MCF2L: variants seen among roughly 807,000 people sequenced by gnomAD.
MCF2L encodes MCF.2 cell line derived transforming sequence like, also known as guanine nucleotide exchange factor DBS.
Under a neutral mutation model 153.4 loss-of-function variants are expected in MCF2L, and 97 were observed. The ratio of observed to expected loss-of-function variants is 0.63; its 90% CI spans 0.54 to 0.75. MCF2L has a LOEUF of 0.75. MCF2L is among the 30% of genes least tolerant of loss of function. MCF2L has a pLI of 0.00. For missense variants in MCF2L, 1,347 were observed against 1,495.2 expected (o/e 0.90, Z 1.64); for synonymous variants, 659 against 632.2 (o/e 1.04, Z -0.64).
Position 113,038,940 on chromosome 13 carries a change from C to T in MCF2L, c.279-6331C>T, listed in dbSNP as rs143303662. 4.6e-3 allele frequency among the ~76,000 whole-genome samples: 695 copies of T among 152,280 alleles called. 24 individuals carry two copies. The East Asian group carries it at 0.092, about 20-fold the overall frequency. On this transcript the variant is annotated intron_variant, in intron 3 of 29. Transcript: ENST00000535094. ...TGGTGCTATCTCGGCTCACTGCAAG[C>T]GCCGCCTCCCGGGTTCACGCCATTC...
intron 3 of MCF2L, among the ~76,000 whole-genome samples, chr13:113,026,091 G>T (rs9604012): frequency 1.9e-5 from 2 of 108,084 alleles, no homozygotes; most frequent in Non-Finnish European, 4.3e-5. Flanking sequence ...ACTGTGGGTC[G>T]GGGCAGAGTC....
Position 113,054,178 on chromosome 13 carries a change from G to A in MCF2L, c.370-6415G>A, listed in dbSNP as rs2087567253. Reference sequence around the variant, plus strand: ...AAATGTCATTCGAGTCCAATCTCAGGATCCTGGATGCACGCCTGTTCTCCA... The same window carrying A: ...AAATGTCATTCGAGTCCAATCTCAGAATCCTGGATGCACGCCTGTTCTCCA... On this transcript the variant is annotated intron_variant, in intron 4 of 29. Coordinates refer to ENST00000535094, the MANE Select transcript of MCF2L (RefSeq NM_001112732.3). The surrounding 1 kb of genome is among the most constrained non-coding windows in gnomAD (Gnocchi z 5.2). 6.0e-6 allele frequency: 1 copy of A among 167,240 alleles called. No homozygotes were observed. The highest frequency in any genetic ancestry group is 2.1e-4 in the South Asian group (1 of 4,818). 10.4% of individuals were successfully genotyped at this position (167,240 alleles called of 1,614,324 possible). A position where few individuals can be genotyped will look rare whatever the true frequency, so the allele number is the denominator to read the frequency against.
In MCF2L at chr13:113,064,433, G is replaced by C; in HGVS notation, c.606+13G>C. On this transcript the variant is annotated intron_variant, in intron 6 of 29. Coordinates refer to ENST00000535094, the MANE Select transcript of MCF2L (RefSeq NM_001112732.3). The surrounding 1 kb of genome is among the most constrained non-coding windows in gnomAD (Gnocchi z 6.0). Reference sequence around the variant, plus strand: ...GTGCCAGCGCACGGTGAGCCGCGTCGGGGCCAGCGGGGCTGGCTGATACCA... The same window carrying C: ...GTGCCAGCGCACGGTGAGCCGCGTCCGGGCCAGCGGGGCTGGCTGATACCA... The C allele has an allele frequency of 6.4e-7, 1 of 1,552,764 alleles. No homozygotes were observed. The highest frequency in any genetic ancestry group is 8.9e-7 in the Non-Finnish European group (1 of 1,127,508).
rs200182047 is a variant in MCF2L, at chr13:113,082,556, C to G, written c.1991+14C>G. ...CTTCCACAACAGGTGGGCCCTTCCC[C>G]CCGACACAGGCACGCACCCGTGATC... is the stretch of plus-strand genomic sequence containing the variant. On this transcript the variant is annotated intron_variant, in intron 17 of 29. Transcript: ENST00000535094. The G allele has an allele frequency of 9.9e-5, 154 of 1,550,500 alleles. 2 individuals are homozygous for G. Among genetic ancestry groups the G allele is most frequent in the Non-Finnish European group, 1.2e-4 (134 of 1,123,322 alleles).
intron 2 of MCF2L, among the ~76,000 whole-genome samples, chr13:112,948,081 T>C (rs550760463): frequency 5.9e-5 from 9 of 152,320 alleles, no homozygotes; most frequent in African/African-American, 2.2e-4. Context: ...AGACCTCAGA[T>C]GGCTGTGGGC....
chr13:113,007,199 C>T (rs527739625), intron 1 of MCF2L, among the ~76,000 whole-genome samples: 2 of 152,310 alleles, frequency 1.3e-5, no homozygotes, highest in East Asian at 3.9e-4. Flanking sequence ...GTGCAGAGCC[C>T]GCCAGGTGTA....
intron 27 of MCF2L, 181 bp from the exon 28 acceptor site, chr13:113,096,190 G>C (rs1337966392): frequency 3.3e-6 from 2 of 609,974 alleles, no homozygotes; most frequent in Non-Finnish European, 5.8e-6. Flanking sequence ...CATCGCCGCT[G>C]CGGTAGTCAT....
rs549152638 is a variant in MCF2L, at chr13:112,979,827, G to A, written c.79+10369G>A. On this transcript the variant is annotated intron_variant, in intron 1 of 29. Transcript: ENST00000535094. The stretch of plus-strand genomic sequence containing the variant: ...TCCCCTCTGCAGGTGTCCTCTCTGC[G>A]GGCAGGTGCCTCCCTGGGGTATTTC... 1.8e-5 allele frequency: 25 copies of A among 1,414,558 alleles called. No individual in the cohort carries two copies. In the African/African-American group the frequency reaches 2.1e-4, roughly 12 times the overall value. The allele number at this position is 1,414,558 out of a possible 1,614,324, so 87.6% of individuals were successfully genotyped here.
chr13:112,935,727 C>T (rs1396200248), intron 2 of MCF2L, among the ~76,000 whole-genome samples: 12 of 152,128 alleles, frequency 7.9e-5, no homozygotes, highest in South Asian at 2.1e-4. Context: ...CTGGGTTTAT[C>T]GGACATAACC....
chr13:112,999,277 C>T (rs2083263991), intron 1 of MCF2L, among the ~76,000 whole-genome samples: 1 of 152,126 alleles, frequency 6.6e-6, no homozygotes, highest in Non-Finnish European at 1.5e-5. Context: ...CCTTTGCCCA[C>T]CAGAAACTTC....
At chr13:112,962,957 C>T (rs541551317) in intron 2 of MCF2L, among the ~76,000 whole-genome samples, 1 of 152,308 alleles carries the variant, frequency 6.6e-6, no homozygotes, top group South Asian at 2.1e-4. Context: ...TGTCCAGATG[C>T]GGGGTGTGCT....
At chr13:113,038,389 C>G (rs1043307988) in intron 3 of MCF2L, among the ~76,000 whole-genome samples, 1 of 151,100 alleles carries the variant, frequency 6.6e-6, no homozygotes, top group Non-Finnish European at 1.5e-5. Flanking sequence ...GGCCTGAACC[C>G]GGAAGGCGGA....
chr13:112,990,063 T>A (rs1282446342), intron 1 of MCF2L, among the ~76,000 whole-genome samples: 1 of 152,196 alleles, frequency 6.6e-6, no homozygotes, highest in African/African-American at 2.4e-5. Context: ...CACCCGCCAC[T>A]CACCTCCTGC....
At position 113,088,332 on chromosome 13, in the gene MCF2L, A is replaced by G; in HGVS notation, c.2694A>G (p.Pro898=). 2 of 1,613,860 alleles carry G rather than the reference A, an allele frequency of 1.2e-6. No individual in the cohort carries two copies. The highest frequency in any genetic ancestry group is 8.5e-7 in the Non-Finnish European group (1 of 1,179,970). ...AREEVYIVQA[P]TPEIKAAWVN... ...CGTTTCTTTTGGGGAAACAGGCGCCAACTCCTGAGATTAAAGCCGCGTGGG... is the reference window on the plus strand; with the variant it reads ...CGTTTCTTTTGGGGAAACAGGCGCCGACTCCTGAGATTAAAGCCGCGTGGG... The change falls in exon 24 of 30, where the codon CCA becomes CCG. Residue 898 remains proline (P), a synonymous_variant. Transcript: ENST00000535094.
At chr13:113,026,199 G>A (rs1013432578) in intron 3 of MCF2L, among the ~76,000 whole-genome samples, 2 of 151,502 alleles carry the variant, frequency 1.3e-5, no homozygotes, top group African/African-American at 2.4e-5. Context: ...ACTGTGGGTC[G>A]GGGCAGAGTC....
At position 112,900,762 on chromosome 13, in the gene MCF2L, G is replaced by A. The variant is rs998929474; in HGVS notation, c.-4-1437G>A. Among the ~76,000 whole-genome samples the A allele has an allele frequency of 2.2e-4, 34 of 152,096 alleles. 1 individual carries two copies. Among genetic ancestry groups the A allele is most frequent in the Admixed American group, 6.5e-5 (1 of 15,276 alleles). On this transcript the variant is annotated intron_variant, in intron 1 of 29. Coordinates refer to the MCF2L transcript ENST00000375608. ...TATCACCCTGTCCTGGGCAGGCTTCGTCCTTCAGGGCTCCATGTGGTGGGG... is the reference window on the plus strand; with the variant it reads ...TATCACCCTGTCCTGGGCAGGCTTCATCCTTCAGGGCTCCATGTGGTGGGG...
chr13:113,098,476 A>C lies in MCF2L; in HGVS notation c.*1617A>C, dbSNP rs1377571567. On this transcript the variant is annotated 3_prime_UTR_variant, in exon 30 of 30. Transcript: ENST00000535094. Reference sequence around the variant, plus strand: ...CACTGTCACTTTTTTTTAACTGCTGATGTAAATGGAATTTTAAAAGCAGAG... The same window carrying C: ...CACTGTCACTTTTTTTTAACTGCTGCTGTAAATGGAATTTTAAAAGCAGAG... The C allele has an allele frequency of 6.6e-6, 1 of 152,362 alleles. No individual in the cohort carries two copies. Among genetic ancestry groups the C allele is most frequent in the Non-Finnish European group, 1.5e-5 (1 of 68,038 alleles). The allele number at this position is 152,362 out of a possible 1,614,324, so 9.4% of individuals were successfully genotyped here.
rs774136495 is a variant in MCF2L, at chr13:113,046,549, A to G, written c.369+1188A>G. Reference sequence around the variant, plus strand: ...GCCAAGGTTTGAGGTATACTGAAAAAAGTCATTCCTTTCCCCGCACATTGC... The same window carrying G: ...GCCAAGGTTTGAGGTATACTGAAAAGAGTCATTCCTTTCCCCGCACATTGC... On this transcript the variant is annotated intron_variant, in intron 4 of 29. Coordinates refer to ENST00000535094, the MANE Select transcript of MCF2L (RefSeq NM_001112732.3). The surrounding 1 kb of genome is among the most constrained non-coding windows in gnomAD (Gnocchi z 4.4). The G allele has an allele frequency of 3.9e-5, 21 of 532,950 alleles. No individual in the cohort carries two copies. Among genetic ancestry groups the G allele is most frequent in the South Asian group, 2.8e-4 (20 of 71,540 alleles). 33.0% of individuals were successfully genotyped at this position (532,950 alleles called of 1,614,324 possible).
intron 27 of MCF2L, chr13:113,095,802 C>T: frequency 1.0e-6 from 1 of 999,614 alleles, no homozygotes; most frequent in Non-Finnish European, 1.2e-6. Context: ...TTCCTGGGTC[C>T]CCATTCCCCA....
Sources: gnomAD v4.1 joint callset for allele counts (sites outside exome capture counted in the v4.1 genomes callset) on GRCh38, gnomAD v4.1.1 for gene constraint, Gnocchi (gnomAD v3.1) non-coding constraint, MANE v1.5 for transcripts, NCBI Gene and HGNC (gene_info 2026-07-23, HGNC 2026-07-21) for gene names.